Variants in CLTC observed in about 807,000 individuals in gnomAD.
CLTC encodes clathrin heavy chain.
CLTC carries 16 observed loss-of-function variants against 195.8 expected under a neutral mutation model. That is an observed-to-expected ratio of 0.08 (90% CI 0.06 to 0.12). The LOEUF is 0.12. Among genes scored for constraint, CLTC ranks in the 10% least tolerant of loss-of-function variants. CLTC has a pLI of 1.00. For synonymous variants in CLTC, 667 were observed against 689.4 expected, an observed-to-expected ratio of 0.97 and a Z score of 0.51; for missense variants, 796 against 2,027.0, an observed-to-expected ratio of 0.39 and a Z score of 11.66.
intron 18 of CLTC, among the ~76,000 whole-genome samples, chr17:59,680,556 A>G (rs1457376251): frequency 6.6e-6 from 1 of 152,204 alleles, no homozygotes; most frequent in East Asian, 1.9e-4. Context: ...AAATCATTGC[A>G]GCATCTAGAA....
intron 1 of CLTC, among the ~76,000 whole-genome samples, chr17:59,630,669 A>G (rs781415085): frequency 3.3e-5 from 5 of 152,268 alleles, no homozygotes; most frequent in Admixed American, 6.5e-5. Context: ...GGAATTATAC[A>G]ATAAAGGACC....
rs917455374 is a variant in CLTC at position 59,670,522 on chromosome 17, G to C, written c.2292+1582G>C. 2.0e-5 allele frequency among the ~76,000 whole-genome samples: 3 copies of C among 151,866 alleles called. No homozygotes were observed. In the East Asian group the frequency reaches 5.8e-4, roughly 29 times the overall value. On this transcript the variant is annotated intron_variant, in intron 14 of 31. Transcript: ENST00000269122. The stretch of plus-strand genomic sequence containing the variant: ...TGTTCTCATCATTTATCTCCCACTT[G>C]CTAGTGAGAACATGCAGTATTTGGT...
chr17:59,679,370 G>A (rs370590865), intron 17 of CLTC, 27 bp from the exon 18 acceptor site: 2 of 1,566,430 alleles, frequency 1.3e-6, no homozygotes, highest in Admixed American at 3.6e-5. Flanking sequence ...TTTTTACCTT[G>A]AAATTAATCT....
chr17:59,647,359 A>G (rs763821069), intron 2 of CLTC, 39 bp from the exon 3 acceptor site: 1 of 1,527,254 alleles, frequency 6.5e-7, no homozygotes, highest in Admixed American at 1.7e-5. Flanking sequence ...TCTAAACTTT[A>G]CTCTTTTAAT....
chr17:59,672,679 G>A (rs778931096), intron 14 of CLTC, among the ~76,000 whole-genome samples: 15 of 152,120 alleles, frequency 9.9e-5, no homozygotes, highest in South Asian at 2.1e-4. Flanking sequence ...TTACCTTGGT[G>A]TTCTTGGGAC....
chr17:59,691,724 TCTC>T (rs927577475), intron 31 of CLTC, among the ~76,000 whole-genome samples: 7 of 150,860 alleles, frequency 4.6e-5, no homozygotes, highest in African/African-American at 1.7e-4. Context: ...TATGGTTTTG[TCTC>T]CTTTTTACTG....
rs567648156 is a variant in CLTC, at chr17:59,664,771, CTTTG to C, written c.1522-8_1522-5del. On this transcript the variant is annotated splice_polypyrimidine_tract_variant and intron_variant, in intron 9 of 31. Transcript: ENST00000269122. Reference sequence around the variant, plus strand: ...TGAAACTTAGGAGCAGCGTTTAAGTCTTTGTTTGTTTATAGGTTGGATACACTCC... The same window carrying C: ...TGAAACTTAGGAGCAGCGTTTAAGTCTTTGTTTATAGGTTGGATACACTCC... 8.7e-6 allele frequency: 14 copies of C among 1,611,442 alleles called. No homozygotes were observed. Among genetic ancestry groups the C allele is most frequent in the Admixed American group, 3.3e-5 (2 of 59,718 alleles).
At position 59,668,832 on chromosome 17, in the gene CLTC, C is replaced by G. The variant is rs1425751033; in HGVS notation, c.2184C>G (p.His728Gln). 6.2e-7 allele frequency: 1 copy of G among 1,613,444 alleles called. No homozygotes were observed. Among genetic ancestry groups the G allele is most frequent in the Non-Finnish European group, 8.5e-7 (1 of 1,179,808 alleles). The part of the protein sequence containing the change: ...IVNFSQDPDV[H>Q]FKYIQAACKT... ...ACTTTAGCCAGGACCCAGATGTGCA[C>G]TTTAAATATATTCAGGCAGCTTGCA... is the stretch of plus-strand genomic sequence containing the variant. The change falls in exon 14 of 32, where the codon CAC becomes CAG. Residue 728 changes from histidine to glutamine, a missense_variant. Coordinates refer to ENST00000269122, the MANE Select transcript of CLTC (RefSeq NM_004859.4).
At chr17:59,629,745 T>C (rs2031657504) in intron 1 of CLTC, among the ~76,000 whole-genome samples, 1 of 152,042 alleles carries the variant, frequency 6.6e-6, no homozygotes, top group Non-Finnish European at 1.5e-5. Context: ...GGTGTTGAAC[T>C]CCTGACCTTG....
intron 4 of CLTC, among the ~76,000 whole-genome samples, chr17:59,650,097 T>C (rs1161948668): frequency 6.6e-6 from 1 of 152,226 alleles, no homozygotes; most frequent in African/African-American, 2.4e-5. Context: ...TCATATGGTA[T>C]GTGTCTTGGA....
At position 59,696,684 on chromosome 17, in the gene CLTC, A is replaced by T. The variant is rs1395727321; in HGVS notation, c.*2832A>T. 4.8e-6 allele frequency: 1 copy of T among 209,032 alleles called. No homozygotes were observed. Among genetic ancestry groups the T allele is most frequent in the East Asian group, 7.2e-5 (1 of 13,838 alleles). 12.9% of individuals were successfully genotyped at this position (209,032 alleles called of 1,614,324 possible). On this transcript the variant is annotated 3_prime_UTR_variant, in exon 32 of 32. Coordinates refer to ENST00000269122, the MANE Select transcript of CLTC (RefSeq NM_004859.4). The stretch of plus-strand genomic sequence containing the variant: ...GGGAAAAAAGGCACCCTTAATTGTC[A>T]AAGTTAGTTCTAGGAAAAAATACTA...
intron 17 of CLTC, among the ~76,000 whole-genome samples, chr17:59,677,741 T>C (rs1567966472): frequency 1.3e-5 from 2 of 152,228 alleles, no homozygotes; most frequent in Admixed American, 1.3e-4. Flanking sequence ...TTTAGTCTCC[T>C]GTACTTTGGA....
chr17:59,664,909 G>A lies in CLTC; in HGVS notation c.1644G>A (p.Gln548=). Residue 548 remains glutamine, a splice_region_variant and synonymous_variant, in exon 10 of 32, where the codon CAG becomes CAA. Coordinates refer to ENST00000269122, the MANE Select transcript of CLTC (RefSeq NM_004859.4). The part of the protein sequence containing the change: ...QDEEPLADIT[Q]IVDVFMEYNL... ...AAGAGCCTCTTGCTGACATCACACA[G>A]GTAATGTGATTAAAATATATTTTGT... 6.2e-7 allele frequency: 1 copy of A among 1,613,800 alleles called. No homozygotes were observed. The highest frequency in any genetic ancestry group is 1.3e-5 in the African/African-American group (1 of 75,014).
chr17:59,696,475 G>GATA lies in CLTC; in HGVS notation c.*2623_*2624insATA, dbSNP rs1567982218. ...TCCCTGGCATCATTACAGTTCTTGG[G>GATA]GATACACTGATTTTAGAAATTACTG... On this transcript the variant is annotated 3_prime_UTR_variant, in exon 32 of 32. Transcript: ENST00000269122. 1 of 212,738 alleles carries GATA rather than the reference G, an allele frequency of 4.7e-6. No individual in the cohort carries two copies. The highest frequency in any genetic ancestry group is 2.3e-5 in the African/African-American group (1 of 44,066). The allele number at this position is 212,738 out of a possible 1,614,324, so 13.2% of individuals were successfully genotyped here. A position where few individuals can be genotyped will look rare whatever the true frequency, so the allele number is the denominator to read the frequency against.
chr17:59,682,216 A>G lies in CLTC; in HGVS notation c.3443-55A>G. The G allele has an allele frequency of 1.3e-6, 2 of 1,509,434 alleles. No individual in the cohort carries two copies. Among genetic ancestry groups the G allele is most frequent in the South Asian group, 2.4e-5 (2 of 84,432 alleles). The allele number at this position is 1,509,434 out of a possible 1,614,324, so 93.5% of individuals were successfully genotyped here. On this transcript the variant is annotated intron_variant, in intron 21 of 31. Coordinates refer to ENST00000269122, the MANE Select transcript of CLTC (RefSeq NM_004859.4). This position sits in a 1 kb window ranked among gnomAD's most constrained non-coding sequence, Gnocchi z 6.8. ...AATGCAATTTTCATTTACTTGGGTG[A>G]AAGATAAACTAGGATGTTAGTGTTT... is the stretch of plus-strand genomic sequence containing the variant.
In CLTC at chr17:59,651,251, C is replaced by T; in HGVS notation, c.730C>T (p.Pro244Ser). The T allele has an allele frequency of 6.2e-7, 1 of 1,614,022 alleles. No individual in the cohort carries two copies. The highest frequency in any genetic ancestry group is 1.1e-5 in the South Asian group (1 of 91,062). The stretch of plus-strand genomic sequence containing the variant: ...ACCACCTACAGGGAACCAGCCCTTT[C>T]CAAAGAAGGCAGTGGATGTCTTCTT... ...GTPPTGNQPF[P>S]KKAVDVFFPP... Residue 244 changes from proline (P) to serine (S), a missense_variant, in exon 5 of 32, where the codon CCA becomes TCA. Pro to Ser is a moderately conservative substitution (Grantham distance 74). Coordinates refer to ENST00000269122, the MANE Select transcript of CLTC (RefSeq NM_004859.4).
At position 59,665,014 on chromosome 17, in the gene CLTC, C is replaced by T. The variant is rs574886357; in HGVS notation, c.1644+105C>T. 8.6e-6 allele frequency: 12 copies of T among 1,400,348 alleles called. No homozygotes were observed. The South Asian group carries it at 1.3e-4, about 16-fold the overall frequency. The allele number at this position is 1,400,348 out of a possible 1,614,324, so 86.7% of individuals were successfully genotyped here. On this transcript the variant is annotated intron_variant, in intron 10 of 31. Transcript: ENST00000269122. ...CCAAGGTGGGAGTATTGCTTGAGGC[C>T]AAGAATTCAAGACCAGTCTGGGCAA...
chr17:59,632,512 A>C (rs1046866661), intron 1 of CLTC, among the ~76,000 whole-genome samples: 1 of 151,918 alleles, frequency 6.6e-6, no homozygotes. Context: ...TAATACCATG[A>C]ATTTAAAAAA....
At chr17:59,687,063 A>G in intron 30 of CLTC, 1 of 961,794 alleles carries the variant, frequency 1.0e-6, no homozygotes, top group Non-Finnish European at 1.2e-6. Flanking sequence ...TGGAGGACTA[A>G]GTCTAAGGAA....
Sources: gnomAD v4.1 joint callset for allele counts (sites outside exome capture counted in the v4.1 genomes callset) on GRCh38, gnomAD v4.1.1 for gene constraint, Gnocchi (gnomAD v3.1) non-coding constraint, MANE v1.5 for transcripts, NCBI Gene and HGNC (gene_info 2026-07-23, HGNC 2026-07-21) for gene names.